DNER: variants seen among roughly 807,000 people sequenced by gnomAD.
DNER encodes delta/notch like EGF repeat containing, also known as delta and Notch-like epidermal growth factor-related receptor.
Under a neutral mutation model 78.2 loss-of-function variants are expected in DNER, and 33 were observed. That is an observed-to-expected ratio of 0.42 (90% CI 0.32 to 0.56). The LOEUF (loss-of-function observed/expected upper bound fraction) is 0.56. Among genes scored for constraint, DNER ranks in the 20% least tolerant of loss-of-function variants. DNER has a pLI of 0.11. For missense variants in DNER, 918 were observed against 975.3 expected (o/e 0.94, Z 0.78); for synonymous variants, 417 against 384.8 (o/e 1.08, Z -0.98).
intron 5 of DNER, among the ~76,000 whole-genome samples, chr2:229,516,959 A>AG (rs1219223828): frequency 6.6e-6 from 1 of 150,970 alleles, no homozygotes; most frequent in Admixed American, 6.6e-5. Flanking sequence ...TACAAAAAAA[A>AG]AATTAGCTGG....
chr2:229,667,882 G>A (rs886627422), intron 1 of DNER, among the ~76,000 whole-genome samples: 4 of 152,176 alleles, frequency 2.6e-5, no homozygotes, highest in African/African-American at 7.2e-5. Context: ...GTATCAACAG[G>A]CTCCACCCTT....
At chr2:229,618,532 C>T (rs891633383) in intron 1 of DNER, among the ~76,000 whole-genome samples, 5 of 152,142 alleles carry the variant, frequency 3.3e-5, no homozygotes, top group Non-Finnish European at 5.9e-5. Flanking sequence ...TGATGTAGCT[C>T]GCCACGCATC....
At chr2:229,461,373 C>T (rs10933297) in intron 7 of DNER, among the ~76,000 whole-genome samples, 114,998 of 151,864 alleles carry the variant, frequency 0.76, 44,229 homozygotes, top group African/African-American at 0.89. Context: ...GAGCTCTGAC[C>T]GGTCAACCTA....
chr2:229,536,352 T>C (rs1696405439), intron 5 of DNER, among the ~76,000 whole-genome samples: 1 of 152,160 alleles, frequency 6.6e-6, no homozygotes, highest in African/African-American at 2.4e-5. Flanking sequence ...GCTTAGTTTG[T>C]GCCTCACAGA....
intron 5 of DNER, among the ~76,000 whole-genome samples, chr2:229,534,434 G>C (rs1332664616): frequency 6.6e-6 from 1 of 152,206 alleles, no homozygotes; most frequent in African/African-American, 2.4e-5. Flanking sequence ...TAATGAAACA[G>C]ACTGAAAGCG....
chr2:229,704,767 AAG>A (rs1699801491), intron 1 of DNER, among the ~76,000 whole-genome samples: 1 of 152,236 alleles, frequency 6.6e-6, no homozygotes, highest in Non-Finnish European at 1.5e-5. Context: ...GAATGCCAAG[AAG>A]AGTGAATTTT....
intron 1 of DNER, among the ~76,000 whole-genome samples, chr2:229,673,497 T>G (rs936730935): frequency 6.6e-6 from 1 of 152,158 alleles, no homozygotes; most frequent in African/African-American, 2.4e-5. Context: ...TTTTCAAACT[T>G]AGAATCATTA....
intron 6 of DNER, among the ~76,000 whole-genome samples, chr2:229,500,920 C>A (rs923123625): frequency 3.3e-5 from 5 of 152,100 alleles, no homozygotes; most frequent in Admixed American, 3.3e-4. Context: ...CATAGATTAG[C>A]TCCCACTTAT....
intron 8 of DNER, among the ~76,000 whole-genome samples, chr2:229,430,062 C>T (rs1693971891): frequency 2.0e-5 from 3 of 152,126 alleles, no homozygotes; most frequent in Admixed American, 1.3e-4. Flanking sequence ...AATCAGAGGG[C>T]CAAATAACCT....
intron 1 of DNER, among the ~76,000 whole-genome samples, chr2:229,601,129 T>G (rs1214146237): frequency 2.0e-5 from 3 of 152,162 alleles, no homozygotes; most frequent in Non-Finnish European, 4.4e-5. Context: ...CTAAAGGCGT[T>G]TAAGTTCTTA....
chr2:229,639,634 C>T (rs2154215978), intron 1 of DNER, among the ~76,000 whole-genome samples: 1 of 152,286 alleles, frequency 6.6e-6, no homozygotes, highest in Admixed American at 6.5e-5. Context: ...ATAATGATTC[C>T]TAAATGCATT....
intron 10 of DNER, among the ~76,000 whole-genome samples, chr2:229,403,822 C>T (rs775969364): frequency 1.3e-5 from 2 of 151,814 alleles, no homozygotes; most frequent in Non-Finnish European, 2.9e-5. Flanking sequence ...CTGAGAAGAG[C>T]GTGACATGGT....
At chr2:229,397,297 A>T (rs1693166766) in intron 10 of DNER, among the ~76,000 whole-genome samples, 2 of 152,018 alleles carry the variant, frequency 1.3e-5, no homozygotes, top group Non-Finnish European at 1.5e-5. Flanking sequence ...GACCTCATAT[A>T]TTCCAGATTA....
chr2:229,699,408 T>C (rs1699709393), intron 1 of DNER, among the ~76,000 whole-genome samples: 1 of 152,210 alleles, frequency 6.6e-6, no homozygotes. Context: ...CTCTGCCGCC[T>C]AGGCTGCAGT....
At chr2:229,502,171 G>A (rs909954623) in intron 6 of DNER, among the ~76,000 whole-genome samples, 2 of 152,178 alleles carry the variant, frequency 1.3e-5, no homozygotes, top group African/African-American at 4.8e-5. Context: ...AAACCCATAT[G>A]GAGCATGGCC....
At chr2:229,483,971 C>T (rs922576388) in intron 6 of DNER, among the ~76,000 whole-genome samples, 1 of 152,208 alleles carries the variant, frequency 6.6e-6, no homozygotes, top group African/African-American at 2.4e-5. Flanking sequence ...TCACTGTATA[C>T]TTCTCATTAC....
intron 7 of DNER, among the ~76,000 whole-genome samples, chr2:229,468,045 A>G (rs557136704): frequency 2.0e-5 from 3 of 152,346 alleles, no homozygotes; most frequent in East Asian, 3.9e-4. Context: ...TTCAGTCCAG[A>G]GGTACCCAGG....
At chr2:229,663,369 T>G (rs1699039054) in intron 1 of DNER, among the ~76,000 whole-genome samples, 1 of 152,188 alleles carries the variant, frequency 6.6e-6, no homozygotes, top group Admixed American at 6.5e-5. Flanking sequence ...TTCCATGACT[T>G]GACTCAATCC....
At chr2:229,375,395 T>C (rs1372882203) in intron 11 of DNER, among the ~76,000 whole-genome samples, 1 of 152,160 alleles carries the variant, frequency 6.6e-6, no homozygotes, top group Admixed American at 6.5e-5. Flanking sequence ...ACAGCTCAAC[T>C]CACAGAATTG....
Sources: gnomAD v4.1 joint callset for allele counts (sites outside exome capture counted in the v4.1 genomes callset) on GRCh38, gnomAD v4.1.1 for gene constraint, MANE v1.5 for transcripts, NCBI Gene and HGNC (gene_info 2026-07-23, HGNC 2026-07-21) for gene names.